ARB2A: variants seen among roughly 807,000 people sequenced by gnomAD.
ARB2A encodes cotranscriptional regulator ARB2A.
At chr5:94,003,155 T>C in the ARB2A span, among the ~76,000 whole-genome samples, 1 of 152,066 alleles carries the variant, frequency 6.6e-6, no homozygotes, top group Admixed American at 6.6e-5. Context: ...AAGCAGAAAA[T>C]AAATACTTCC....
At chr5:93,667,332 G>A in the ARB2A span, among the ~76,000 whole-genome samples, 1 of 152,032 alleles carries the variant, frequency 6.6e-6, no homozygotes, top group Non-Finnish European at 1.5e-5. Context: ...TCCTTAAACC[G>A]TAAGCTCCTA....
At chr5:94,060,442 A>G in the ARB2A span, among the ~76,000 whole-genome samples, 1 of 152,206 alleles carries the variant, frequency 6.6e-6, no homozygotes. Context: ...CTTAAAAACC[A>G]CAAACTACTA....
At chr5:93,955,963 A>G in the ARB2A span, among the ~76,000 whole-genome samples, 1 of 152,250 alleles carries the variant, frequency 6.6e-6, no homozygotes, top group Admixed American at 6.5e-5. Context: ...AGAAGAAACA[A>G]GTATGAGTAA....
At chr5:93,744,653 C>T in the ARB2A span, among the ~76,000 whole-genome samples, 47 of 152,028 alleles carry the variant, frequency 3.1e-4, no homozygotes, top group Admixed American at 1.6e-3. Context: ...GTATATTCAA[C>T]GTCCTATGGA....
At chr5:94,065,904 C>T in the ARB2A span, among the ~76,000 whole-genome samples, 2 of 152,104 alleles carry the variant, frequency 1.3e-5, no homozygotes, top group African/African-American at 2.4e-5. Flanking sequence ...AACATTTCAT[C>T]CAAGAGCTGC....
At chr5:93,714,815 T>G in the ARB2A span, among the ~76,000 whole-genome samples, 1 of 152,214 alleles carries the variant, frequency 6.6e-6, no homozygotes, top group Non-Finnish European at 1.5e-5. Context: ...CCAATAAATA[T>G]GACTTTGAAG....
At chr5:94,092,868 A>G in the ARB2A span, among the ~76,000 whole-genome samples, 2 of 152,130 alleles carry the variant, frequency 1.3e-5, no homozygotes, top group African/African-American at 4.8e-5. Flanking sequence ...CAAATACCTC[A>G]ATGTAGCAGG....
the ARB2A span, among the ~76,000 whole-genome samples, chr5:93,874,202 T>G: frequency 2.0e-4 from 30 of 152,298 alleles, no homozygotes; most frequent in Non-Finnish European, 2.9e-4. Flanking sequence ...TTGGTCTTTG[T>G]CCCTGGTTCC....
the ARB2A span, among the ~76,000 whole-genome samples, chr5:93,705,050 G>T: frequency 3.3e-5 from 5 of 152,058 alleles, no homozygotes; most frequent in Non-Finnish European, 7.4e-5. Context: ...ATCTGCTTTG[G>T]GTAAAGAGGG....
chr5:93,763,132 C>G, the ARB2A span, among the ~76,000 whole-genome samples: 2 of 152,076 alleles, frequency 1.3e-5, no homozygotes, highest in African/African-American at 4.8e-5. Context: ...GAAGAAACTG[C>G]ATCAACTAAC....
the ARB2A span, among the ~76,000 whole-genome samples, chr5:94,023,106 A>T: frequency 1.3e-5 from 2 of 152,232 alleles, no homozygotes; most frequent in Non-Finnish European, 2.9e-5. Flanking sequence ...TCTTTATGCC[A>T]GAATATCTAA....
At chr5:93,994,771 T>G in the ARB2A span, among the ~76,000 whole-genome samples, 1 of 151,930 alleles carries the variant, frequency 6.6e-6, no homozygotes, top group African/African-American at 2.4e-5. Flanking sequence ...CCAGGTGTGG[T>G]GGCCCATGCC....
chr5:93,772,301 T>A, the ARB2A span, among the ~76,000 whole-genome samples: 1 of 152,028 alleles, frequency 6.6e-6, no homozygotes. Flanking sequence ...CTCTGGGGAC[T>A]GTTGTGGGGT....
chr5:93,743,554 A>G, the ARB2A span: 2 of 985,204 alleles, frequency 2.0e-6, no homozygotes, highest in Non-Finnish European at 2.4e-6. Flanking sequence ...TTTTTTCAAA[A>G]TCACGAAGCA....
chr5:93,985,089 CTTCT>C, the ARB2A span, among the ~76,000 whole-genome samples: 1 of 152,088 alleles, frequency 6.6e-6, no homozygotes, highest in African/African-American at 2.4e-5. Flanking sequence ...TTTATTTTCT[CTTCT>C]TTCTTAAAAA....
the ARB2A span, among the ~76,000 whole-genome samples, chr5:93,626,169 T>C: frequency 3.3e-5 from 5 of 152,220 alleles, no homozygotes; most frequent in Non-Finnish European, 7.3e-5. Flanking sequence ...TTTCTGTTAA[T>C]GAAATCTATT....
chr5:93,632,450 A>G, the ARB2A span, among the ~76,000 whole-genome samples: 3 of 152,306 alleles, frequency 2.0e-5, no homozygotes, highest in Middle Eastern at 3.4e-3. Context: ...TGTGAGGGGA[A>G]AGTGGTGTCA....
chr5:93,748,182 G>A, the ARB2A span, among the ~76,000 whole-genome samples: 3 of 152,024 alleles, frequency 2.0e-5, no homozygotes, highest in African/African-American at 2.4e-5. Flanking sequence ...TATGTTCTAC[G>A]GCAGGTGTCA....
chr5:93,915,981 T>C, the ARB2A span, among the ~76,000 whole-genome samples: 1 of 152,096 alleles, frequency 6.6e-6, no homozygotes, highest in Non-Finnish European at 1.5e-5. Flanking sequence ...GTATTCTCAA[T>C]GTATTCAAGG....
Sources: gnomAD v4.1 joint callset for allele counts (sites outside exome capture counted in the v4.1 genomes callset) on GRCh38, gnomAD v4.1.1 for gene constraint, MANE v1.5 for transcripts, NCBI Gene and HGNC (gene_info 2026-07-23, HGNC 2026-07-21) for gene names.